TNFRSF19: variants seen among roughly 807,000 people sequenced by gnomAD.
TNFRSF19 encodes tumor necrosis factor receptor superfamily member 19.
In TNFRSF19, 27 loss-of-function variants were observed where a neutral mutation model predicts 46.4. The ratio of observed to expected loss-of-function variants is 0.58; its 90% CI spans 0.43 to 0.80. TNFRSF19 has a LOEUF of 0.80. Ranked by LOEUF, TNFRSF19 falls within the 30% of genes least tolerant of loss-of-function variation. TNFRSF19 has a pLI of 0.00. For synonymous variants in TNFRSF19, 204 were observed against 205.0 expected, an observed-to-expected ratio of 1.00 and a Z score of 0.04; for missense variants, 511 against 530.8, an observed-to-expected ratio of 0.96 and a Z score of 0.37.
chr13:23,571,495 C>T (rs1013317115), intron 1 of TNFRSF19, among the ~76,000 whole-genome samples: 3 of 152,138 alleles, frequency 2.0e-5, no homozygotes, highest in African/African-American at 7.2e-5. Flanking sequence ...CAGTGATTTT[C>T]TATAACCTTT....
At chr13:23,660,237 T>C (rs1884269286) in intron 6 of TNFRSF19, 128 bp from the exon 7 acceptor site, 2 of 944,812 alleles carry the variant, frequency 2.1e-6, no homozygotes, top group East Asian at 2.6e-5. Context: ...TGTGCTTCCA[T>C]GTAAGAAGAA....
At chr13:23,607,840 G>A (rs1880619570) in intron 3 of TNFRSF19, among the ~76,000 whole-genome samples, 1 of 152,150 alleles carries the variant, frequency 6.6e-6, no homozygotes, top group Non-Finnish European at 1.5e-5. Context: ...ATGTACCTGT[G>A]CCTTAAAACT....
At chr13:23,664,760 T>C (rs1025217622) in intron 7 of TNFRSF19, among the ~76,000 whole-genome samples, 7 of 152,226 alleles carry the variant, frequency 4.6e-5, no homozygotes, top group Non-Finnish European at 1.0e-4. Flanking sequence ...CAAAGCTAGA[T>C]GGGATAGCCT....
At chr13:23,616,678 G>A (rs1354980303) in intron 4 of TNFRSF19, among the ~76,000 whole-genome samples, 2 of 152,036 alleles carry the variant, frequency 1.3e-5, no homozygotes, top group African/African-American at 4.8e-5. Flanking sequence ...TGCCTCCCAG[G>A]TTCAAGTGAT....
In TNFRSF19 at chr13:23,577,856, C is replaced by T. The variant is rs142982846; in HGVS notation, c.-35+7008C>T. On this transcript the variant is annotated intron_variant, in intron 1 of 9. Coordinates refer to ENST00000248484, the MANE Select transcript of TNFRSF19 (RefSeq NM_148957.4). Reference sequence around the variant, plus strand: ...GAATCCATTCTTTACAGTGAGGAACCTCCTGTGACTCTTCAGCCTGACAGT... The same window carrying T: ...GAATCCATTCTTTACAGTGAGGAACTTCCTGTGACTCTTCAGCCTGACAGT... Among the ~76,000 whole-genome samples, 137 of 152,178 alleles carry T rather than the reference C, an allele frequency of 9.0e-4. 2 individuals are homozygous for T. The highest frequency in any genetic ancestry group is 3.2e-3 in the African/African-American group (132 of 41,508).
chr13:23,571,174 C>A (rs1391799055), intron 1 of TNFRSF19, among the ~76,000 whole-genome samples: 1 of 152,170 alleles, frequency 6.6e-6, no homozygotes, highest in Admixed American at 6.5e-5. Context: ...GATCTGTGAG[C>A]TATAATTGCT....
At chr13:23,593,651 G>A (rs932986870) in intron 3 of TNFRSF19, among the ~76,000 whole-genome samples, 196 bp downstream of exon 3, 2 of 152,024 alleles carry the variant, frequency 1.3e-5, no homozygotes, top group Non-Finnish European at 2.9e-5. Context: ...AGATAAATAG[G>A]TTCTCAAACC....
chr13:23,590,629 C>A (rs1352042295), intron 2 of TNFRSF19, among the ~76,000 whole-genome samples: 2 of 152,222 alleles, frequency 1.3e-5, no homozygotes, highest in Non-Finnish European at 2.9e-5. Flanking sequence ...GCCACCACCC[C>A]CAGCCCAAAA....
intron 3 of TNFRSF19, among the ~76,000 whole-genome samples, chr13:23,600,528 A>G (rs1055025350): frequency 6.6e-6 from 1 of 152,204 alleles, no homozygotes; most frequent in Non-Finnish European, 1.5e-5. Context: ...TCAAAACAAA[A>G]CAAAACAAAA....
chr13:23,582,137 T>C (rs1159342872), intron 1 of TNFRSF19, among the ~76,000 whole-genome samples: 2 of 151,144 alleles, frequency 1.3e-5, no homozygotes, highest in Non-Finnish European at 2.9e-5. Context: ...TCCCAGCACT[T>C]TGGGAGGCCG....
chr13:23,574,781 T>C (rs1210628869), intron 1 of TNFRSF19, among the ~76,000 whole-genome samples: 2 of 152,220 alleles, frequency 1.3e-5, no homozygotes, highest in African/African-American at 4.8e-5. Flanking sequence ...CTGTGTTGGC[T>C]GTGCTTTAAT....
intron 5 of TNFRSF19, among the ~76,000 whole-genome samples, chr13:23,632,858 A>C (rs1221995379): frequency 6.6e-6 from 1 of 152,204 alleles, no homozygotes; most frequent in Non-Finnish European, 1.5e-5. Context: ...TAATCGAGGC[A>C]GAGATGGAGG....
chr13:23,657,365 G>A (rs1055756141), intron 5 of TNFRSF19, among the ~76,000 whole-genome samples: 1 of 152,114 alleles, frequency 6.6e-6, no homozygotes, highest in Non-Finnish European at 1.5e-5. Context: ...CAGGGAGAAG[G>A]AGAAAGGCAC....
chr13:23,581,145 T>G (rs1346547980), intron 1 of TNFRSF19, among the ~76,000 whole-genome samples: 1 of 151,366 alleles, frequency 6.6e-6, no homozygotes, highest in Non-Finnish European at 1.5e-5. Flanking sequence ...TTTTTTTTTT[T>G]GAAACGGAGT....
intron 1 of TNFRSF19, chr13:23,585,577 A>G (rs540542373): frequency 6.6e-6 from 1 of 152,336 alleles, no homozygotes; most frequent in Admixed American, 6.5e-5. Flanking sequence ...CACATATACT[A>G]TTTTATCCCT....
intron 4 of TNFRSF19, among the ~76,000 whole-genome samples, chr13:23,624,143 C>T (rs1424767106): frequency 6.6e-6 from 1 of 152,102 alleles, no homozygotes; most frequent in Non-Finnish European, 1.5e-5. Flanking sequence ...AGAGACTGTT[C>T]TTTCCTCACT....
chr13:23,582,224 C>CAA (rs746493689), intron 1 of TNFRSF19, among the ~76,000 whole-genome samples: 4 of 98,044 alleles, frequency 4.1e-5, no homozygotes, highest in Admixed American at 1.1e-4. Context: ...ACTACAAATA[C>CAA]AAAAAAAAAA....
chr13:23,624,222 T>A (rs542282955), intron 4 of TNFRSF19, among the ~76,000 whole-genome samples: 1 of 152,334 alleles, frequency 6.6e-6, no homozygotes, highest in African/African-American at 2.4e-5. Flanking sequence ...GGATCTCTTG[T>A]CTATTCCACT....
intron 1 of TNFRSF19, among the ~76,000 whole-genome samples, chr13:23,584,627 TA>T (rs67871815): frequency 0.28 from 38,823 of 137,116 alleles, 5,774 homozygotes; most frequent in African/African-American, 0.43. Flanking sequence ...AAGTTTTATT[TA>T]AAAAAAAAAA....
Sources: allele counts gnomAD v4.1 joint callset (sites outside exome capture counted in the v4.1 genomes callset), GRCh38; gene constraint gnomAD v4.1.1; transcripts MANE v1.5; gene names NCBI Gene and HGNC (gene_info 2026-07-23, HGNC 2026-07-21).